QTMAN: variants seen among roughly 807,000 people sequenced by gnomAD.
The protein encoded by QTMAN is queuosine-tRNA mannosyltransferase.
the QTMAN span, among the ~76,000 whole-genome samples, chr2:144,240,467 CAAT>C: frequency 6.6e-6 from 1 of 152,092 alleles, no homozygotes; most frequent in South Asian, 2.1e-4. Context: ...CTATTCTAAC[CAAT>C]AACTGGGTCC....
the QTMAN span, among the ~76,000 whole-genome samples, chr2:143,949,622 C>A: frequency 6.6e-6 from 1 of 151,804 alleles, no homozygotes; most frequent in African/African-American, 2.4e-5. Context: ...ACAGCACTGT[C>A]CAATGAAATA....
At chr2:144,058,421 T>G in the QTMAN span, among the ~76,000 whole-genome samples, 2 of 152,232 alleles carry the variant, frequency 1.3e-5, no homozygotes, top group Non-Finnish European at 2.9e-5. Context: ...CTATTGGTAC[T>G]GCCTTTTTCT....
chr2:144,276,687 CT>C, the QTMAN span, among the ~76,000 whole-genome samples: 1 of 152,136 alleles, frequency 6.6e-6, no homozygotes, highest in Non-Finnish European at 1.5e-5. Context: ...TTAGATACTT[CT>C]TCAGGGAAAC....
At chr2:144,022,999 A>G in the QTMAN span, among the ~76,000 whole-genome samples, 1 of 151,974 alleles carries the variant, frequency 6.6e-6, no homozygotes, top group Non-Finnish European at 1.5e-5. Context: ...CATGTTTTCA[A>G]TTTATTTCTT....
the QTMAN span, among the ~76,000 whole-genome samples, chr2:144,208,423 A>G: frequency 6.6e-6 from 1 of 152,226 alleles, no homozygotes; most frequent in Non-Finnish European, 1.5e-5. Flanking sequence ...CCTACTGACC[A>G]GGTGTCCTTA....
At chr2:144,049,319 A>G in the QTMAN span, among the ~76,000 whole-genome samples, 3 of 152,208 alleles carry the variant, frequency 2.0e-5, no homozygotes, top group East Asian at 1.9e-4. Context: ...GCCTATATCT[A>G]TAATTAGAAC....
chr2:144,177,109 T>C, the QTMAN span: 4 of 699,840 alleles, frequency 5.7e-6, no homozygotes, highest in African/African-American at 7.0e-5. Context: ...ACCTCCATGA[T>C]CCAATCACCT....
chr2:144,317,807 G>C, the QTMAN span, among the ~76,000 whole-genome samples: 1 of 152,050 alleles, frequency 6.6e-6, no homozygotes, highest in Non-Finnish European at 1.5e-5. Context: ...CCATCTAAAA[G>C]ATGCTTTTTT....
chr2:144,243,855 A>G, the QTMAN span, among the ~76,000 whole-genome samples: 1 of 152,212 alleles, frequency 6.6e-6, no homozygotes, highest in African/African-American at 2.4e-5. Context: ...ATTTCAATAA[A>G]AGTGATTGGT....
chr2:144,265,505 C>T, the QTMAN span, among the ~76,000 whole-genome samples: 1 of 151,900 alleles, frequency 6.6e-6, no homozygotes, highest in African/African-American at 2.4e-5. Flanking sequence ...AGACCATCCT[C>T]GCTAATACGG....
chr2:144,002,396 C>T, the QTMAN span, among the ~76,000 whole-genome samples: 2 of 151,906 alleles, frequency 1.3e-5, no homozygotes, highest in Non-Finnish European at 2.9e-5. Flanking sequence ...GTTAATCAGA[C>T]TTCACTATTT....
the QTMAN span, among the ~76,000 whole-genome samples, chr2:144,074,947 C>T: frequency 6.6e-6 from 1 of 152,178 alleles, no homozygotes; most frequent in Non-Finnish European, 1.5e-5. Context: ...CCTTGAAGTA[C>T]AGCTATTTTT....
At chr2:144,104,521 G>A in the QTMAN span, among the ~76,000 whole-genome samples, 2 of 152,018 alleles carry the variant, frequency 1.3e-5, no homozygotes, top group East Asian at 3.9e-4. Flanking sequence ...TAGCACAGCA[G>A]TCTGAGATCA....
the QTMAN span, among the ~76,000 whole-genome samples, chr2:144,138,414 A>T: frequency 7.3e-4 from 111 of 152,220 alleles, no homozygotes; most frequent in Middle Eastern, 3.4e-3. Context: ...GAAGTGGAAT[A>T]AGGAGAAAAA....
the QTMAN span, among the ~76,000 whole-genome samples, chr2:144,059,115 C>T: frequency 6.6e-6 from 1 of 152,322 alleles, no homozygotes; most frequent in African/African-American, 2.4e-5. Context: ...CCTCTGACTG[C>T]TCATCCAGCC....
the QTMAN span, among the ~76,000 whole-genome samples, chr2:143,986,717 A>C: frequency 6.6e-6 from 1 of 152,238 alleles, no homozygotes; most frequent in African/African-American, 2.4e-5. Context: ...CAAAATGCAT[A>C]AACCCTTGGG....
chr2:144,092,892 T>TGG, the QTMAN span, among the ~76,000 whole-genome samples: 1 of 151,658 alleles, frequency 6.6e-6, no homozygotes, highest in Admixed American at 6.6e-5. Context: ...TGTGTGTGTG[T>TGG]GTGTGTGTGT....
the QTMAN span, among the ~76,000 whole-genome samples, chr2:143,973,713 C>T: frequency 5.3e-5 from 8 of 150,794 alleles, no homozygotes; most frequent in African/African-American, 1.2e-4. Context: ...GGCATGAACC[C>T]GGGAGGCGGA....
chr2:144,084,553 G>A, the QTMAN span, among the ~76,000 whole-genome samples: 2 of 152,172 alleles, frequency 1.3e-5, no homozygotes, highest in Non-Finnish European at 2.9e-5. Context: ...ACTCAGGAAT[G>A]AATCAGAACC....
Sources: allele counts gnomAD v4.1 joint callset (sites outside exome capture counted in the v4.1 genomes callset), GRCh38; gene constraint gnomAD v4.1.1; transcripts MANE v1.5; gene names NCBI Gene and HGNC (gene_info 2026-07-23, HGNC 2026-07-21).